Variants in FSIP1 observed in about 807,000 individuals in gnomAD.
FSIP1 encodes fibrous sheath-interacting protein 1.
In FSIP1, 65 loss-of-function variants were observed where a neutral mutation model predicts 60.9. The ratio of observed to expected loss-of-function variants is 1.07; its 90% confidence interval spans 0.87 to 1.31. The LOEUF is 1.31. Among genes scored for constraint, FSIP1 ranks in the 40% most tolerant of loss-of-function variants. The probability of loss-of-function intolerance (pLI) is 0.00; values close to 1 mark genes in which losing one functional copy is unlikely to be tolerated. For missense variants in FSIP1, 675 were observed against 665.5 expected, an observed-to-expected ratio of 1.01 and a Z score of -0.16; for synonymous variants, 209 against 221.2, an observed-to-expected ratio of 0.94 and a Z score of 0.49.
At chr15:39,664,593 C>A (rs1370346384) in intron 10 of FSIP1, among the ~76,000 whole-genome samples, 1 of 152,130 alleles carries the variant, frequency 6.6e-6, no homozygotes, top group East Asian at 1.9e-4. Flanking sequence ...CTCCTTCAAC[C>A]ACCCCAACAC....
In FSIP1 at chr15:39,674,830, T is replaced by C. The variant is rs568387801; in HGVS notation, c.1188+38614A>G. Among the ~76,000 whole-genome samples, 6 of 152,244 alleles carry C rather than the reference T, an allele frequency of 3.9e-5. No individual in the cohort carries two copies. The South Asian group carries it at 1.2e-3, about 32-fold the overall frequency. On this transcript the variant is annotated intron_variant, in intron 10 of 11. Coordinates refer to ENST00000350221, the MANE Select transcript of FSIP1 (RefSeq NM_152597.5). Reference sequence around the variant, plus strand: ...GTACCCATTATAAAACAAGATACAGTATTAGTAAATTTGACTCTTTTAAAA... The same window carrying C: ...GTACCCATTATAAAACAAGATACAGCATTAGTAAATTTGACTCTTTTAAAA...
At chr15:39,775,359 T>A (rs115687432) in intron 2 of FSIP1, among the ~76,000 whole-genome samples, 2,253 of 151,818 alleles carry the variant, frequency 0.015, 64 homozygotes, top group African/African-American at 0.052. Context: ...AAAAAATGAG[T>A]ATGAATTCAT....
intron 5 of FSIP1, among the ~76,000 whole-genome samples, chr15:39,756,457 G>C (rs73395285): frequency 0.024 from 3,661 of 152,020 alleles, 154 homozygotes; most frequent in African/African-American, 0.083. Flanking sequence ...TCTCAAACTC[G>C]TGGACTCAAG....
At chr15:39,636,539 T>A (rs1466152304) in intron 10 of FSIP1, among the ~76,000 whole-genome samples, 1 of 152,190 alleles carries the variant, frequency 6.6e-6, no homozygotes, top group Non-Finnish European at 1.5e-5. Flanking sequence ...AAGACACGAA[T>A]AGCCTCATCA....
chr15:39,764,031 A>ATTT, intron 4 of FSIP1, 117 bp from the exon 5 acceptor site: 1 of 473,800 alleles, frequency 2.1e-6, no homozygotes, highest in Non-Finnish European at 3.9e-6. Flanking sequence ...GTCTCAGGCT[A>ATTT]TTTTTTTTTT....
chr15:39,598,588 T>G (rs1396897176), downstream of FSIP1: 1 of 152,198 alleles, frequency 6.6e-6, no homozygotes, highest in Non-Finnish European at 1.5e-5. Flanking sequence ...AAAAAGTGAC[T>G]GGAAAGAGGA....
At chr15:39,747,774 A>G (rs776790326) in intron 5 of FSIP1, among the ~76,000 whole-genome samples, 1 of 152,186 alleles carries the variant, frequency 6.6e-6, no homozygotes, top group Non-Finnish European at 1.5e-5. Flanking sequence ...GGGCCTTCCC[A>G]TGGTTCAGAA....
At chr15:39,725,048 T>C (rs894766226) in intron 9 of FSIP1, among the ~76,000 whole-genome samples, 5 of 152,064 alleles carry the variant, frequency 3.3e-5, no homozygotes, top group Admixed American at 6.6e-5. Flanking sequence ...CTGACCAACA[T>C]GGTGAAACCC....
intron 10 of FSIP1, among the ~76,000 whole-genome samples, chr15:39,710,442 A>G (rs80017656): frequency 5.1e-3 from 511 of 99,762 alleles, no homozygotes; most frequent in Non-Finnish European, 7.4e-3. Flanking sequence ...TCTGTCTCAG[A>G]AAAAAAAAAA....
At chr15:39,769,233 C>G (rs1483986890) in intron 3 of FSIP1, among the ~76,000 whole-genome samples, 9 of 150,246 alleles carry the variant, frequency 6.0e-5, no homozygotes, top group South Asian at 4.2e-4. Flanking sequence ...GAGCCGAGAT[C>G]GCGCCACTGC....
intron 8 of FSIP1, among the ~76,000 whole-genome samples, chr15:39,727,313 T>C (rs969152710): frequency 6.6e-6 from 1 of 152,216 alleles, no homozygotes; most frequent in African/African-American, 2.4e-5. Context: ...TCAATATGAA[T>C]ATCACAAGGT....
chr15:39,768,173 G>A (rs535000295), intron 3 of FSIP1, among the ~76,000 whole-genome samples: 16 of 152,174 alleles, frequency 1.1e-4, no homozygotes, highest in South Asian at 2.1e-4. Flanking sequence ...GAAGTGAGCC[G>A]TACCCTTGTC....
downstream of FSIP1, chr15:39,597,682 T>C (rs1386114461): frequency 6.6e-6 from 1 of 152,192 alleles, no homozygotes; most frequent in Non-Finnish European, 1.5e-5. Context: ...AATGATACAT[T>C]AGCCTGCCAT....
At chr15:39,633,998 C>T (rs1301993233) in intron 10 of FSIP1, among the ~76,000 whole-genome samples, 1 of 152,148 alleles carries the variant, frequency 6.6e-6, no homozygotes, top group Non-Finnish European at 1.5e-5. Flanking sequence ...ACCCATCTAC[C>T]AGCACCTGTA....
rs1225923423 is a variant in FSIP1, at chr15:39,618,162, T to C, written c.1272A>G (p.Lys424=). The C allele has an allele frequency of 6.2e-7, 1 of 1,613,870 alleles. No individual in the cohort carries two copies. The highest frequency in any genetic ancestry group is 8.5e-7 in the Non-Finnish European group (1 of 1,179,924). ...CTTCCTTTTTTCTTTCTGAAGAAAG[T>C]TTAATGATGGATTTTTGTTTAAGTA... ...ECILKQKSII[K]LSSERKKEDI... is the part of the protein sequence containing the mutation. Residue 424 remains lysine (K), a synonymous_variant, in exon 11 of 12, where the codon AAA becomes AAG. Coordinates refer to ENST00000350221, the MANE Select transcript of FSIP1 (RefSeq NM_152597.5).
At position 39,699,159 on chromosome 15, in the gene FSIP1, C is replaced by G. The variant is rs917152021; in HGVS notation, c.1188+14285G>C. ...AGACTTCTGCTTTTATCTGACTGGC[C>G]AGAACTAACTTATGTGGTCACCCTA... On this transcript the variant is annotated intron_variant, in intron 10 of 11. Coordinates refer to ENST00000350221, the MANE Select transcript of FSIP1 (RefSeq NM_152597.5). Among the ~76,000 whole-genome samples the G allele has an allele frequency of 3.3e-5, 5 of 152,276 alleles. No individual in the cohort carries two copies. In the East Asian group the frequency reaches 9.6e-4, roughly 29 times the overall value.
Position 39,654,338 on chromosome 15 carries a change from CAT to C in FSIP1, c.1189-36095_1189-36094del, listed in dbSNP as rs547827459. On this transcript the variant is annotated intron_variant, in intron 10 of 11. Transcript: ENST00000350221. Reference sequence around the variant, plus strand: ...TTGTTTACACCAGCTTCACCACAAACATGTGAGTAACCTGTTGTGCTGTGATG... The same window carrying C: ...TTGTTTACACCAGCTTCACCACAAACGTGAGTAACCTGTTGTGCTGTGATG... Among the ~76,000 whole-genome samples the C allele has an allele frequency of 2.9e-3, 439 of 152,322 alleles. 1 individual carries two copies. Among genetic ancestry groups the C allele is most frequent in the African/African-American group, 9.4e-3 (390 of 41,560 alleles).
intron 10 of FSIP1, among the ~76,000 whole-genome samples, chr15:39,672,938 C>A (rs567099635): frequency 2.6e-4 from 40 of 152,304 alleles, no homozygotes; most frequent in African/African-American, 8.9e-4. Flanking sequence ...GCCTAAAAAA[C>A]CAGAAGAAAT....
rs1273214090 is a variant in FSIP1, at chr15:39,600,207, G to C, written c.*673C>G. The C allele has an allele frequency of 6.6e-6, 1 of 152,142 alleles. No homozygotes were observed. The highest frequency in any genetic ancestry group is 1.5e-5 in the Non-Finnish European group (1 of 68,028). The allele number at this position is 152,142 out of a possible 1,614,324, so 9.4% of individuals were successfully genotyped here. The stretch of plus-strand genomic sequence containing the variant: ...TAACTAAACCATCTCTCTTCAAATA[G>C]TACCGCAGACTGTCTTTTAAAGTAG... On this transcript the variant is annotated 3_prime_UTR_variant, in exon 12 of 12. Transcript: ENST00000350221.
Sources: gnomAD v4.1 joint callset for allele counts (sites outside exome capture counted in the v4.1 genomes callset) on GRCh38, gnomAD v4.1.1 for gene constraint, MANE v1.5 for transcripts, NCBI Gene and HGNC (gene_info 2026-07-23, HGNC 2026-07-21) for gene names.